The following NTM variants were observed in gnomAD, a reference collection of about 807,000 sequenced individuals.
The protein encoded by NTM is neurotrimin, also known as IgLON family member 2.
Under a neutral mutation model 42.1 loss-of-function variants are expected in NTM, and 13 were observed. The observed-to-expected ratio is 0.31, with a 90% confidence interval of 0.20 to 0.49. NTM has a LOEUF of 0.49. Among genes scored for constraint, NTM ranks in the 20% least tolerant of loss-of-function variants. The pLI is 0.99. For missense variants in NTM, 373 were observed against 452.8 expected (o/e 0.82, Z 1.60); for synonymous variants, 187 against 179.2 (o/e 1.04, Z -0.35).
chr11:131,373,839 G>A (rs1425447292), intron 1 of NTM, among the ~76,000 whole-genome samples: 2 of 152,094 alleles, frequency 1.3e-5, no homozygotes, highest in South Asian at 2.1e-4. Flanking sequence ...TCCCGCATCC[G>A]CTTAGCAGCT....
chr11:131,491,356 A>G (rs1353901750), intron 1 of NTM, among the ~76,000 whole-genome samples: 1 of 152,100 alleles, frequency 6.6e-6, no homozygotes, highest in Non-Finnish European at 1.5e-5. Flanking sequence ...ACAGAAGTGC[A>G]TTGGGGAGAT....
chr11:132,190,755 G>A (rs1444822689), intron 3 of NTM, among the ~76,000 whole-genome samples: 11 of 128,748 alleles, frequency 8.5e-5, no homozygotes, highest in African/African-American at 3.2e-4. Flanking sequence ...AAAAAAAAAA[G>A]AGACAGATAG....
In NTM at chr11:132,335,583, C is replaced by T. The variant is rs1336373844; in HGVS notation, c.*437C>T. Reference sequence around the variant, plus strand: ...ATGAGACCTTCCGGCCCAAGCGTGGCGCTGCGGGCACTTTGGTAGACTGTG... The same window carrying T: ...ATGAGACCTTCCGGCCCAAGCGTGGTGCTGCGGGCACTTTGGTAGACTGTG... On this transcript the variant is annotated 3_prime_UTR_variant, in exon 9 of 9. Transcript: ENST00000683400. The T allele has an allele frequency of 1.9e-5, 3 of 154,556 alleles. No homozygotes were observed. The highest frequency in any genetic ancestry group is 3.8e-4 in the East Asian group (2 of 5,254). 9.6% of individuals were successfully genotyped at this position (154,556 alleles called of 1,614,324 possible).
At chr11:132,079,001 T>G (rs1256183835) in intron 2 of NTM, among the ~76,000 whole-genome samples, 1 of 152,124 alleles carries the variant, frequency 6.6e-6, no homozygotes, top group Non-Finnish European at 1.5e-5. Context: ...CCTTGCATCC[T>G]AGGAGGACCG....
intron 8 of NTM, among the ~76,000 whole-genome samples, chr11:132,330,519 A>G (rs886844014): frequency 6.6e-6 from 1 of 152,150 alleles, no homozygotes; most frequent in Non-Finnish European, 1.5e-5. Flanking sequence ...TAATGCAGCG[A>G]TCTTCTCAGA....
At chr11:132,247,174 C>A (rs962377504) in intron 4 of NTM, among the ~76,000 whole-genome samples, 1 of 152,182 alleles carries the variant, frequency 6.6e-6, no homozygotes, top group African/African-American at 2.4e-5. Context: ...CATCATTGAT[C>A]GCCCTGTGGT....
chr11:131,564,449 AGAGAGAGGGAGG>A (rs1167407131), intron 1 of NTM, among the ~76,000 whole-genome samples: 9 of 125,564 alleles, frequency 7.2e-5, no homozygotes, highest in South Asian at 5.0e-4. Flanking sequence ...GTAGGGGGAG[AGAGAGAGGGAGG>A]GAGAGAGAGA....
intron 6 of NTM, 28 bp from the exon 7 acceptor site, chr11:132,314,524 C>A: frequency 6.3e-7 from 1 of 1,594,034 alleles, no homozygotes; most frequent in South Asian, 1.2e-5. Flanking sequence ...ATCTTGTTTT[C>A]TTCTTTTTTG....
At chr11:131,692,408 G>C (rs370717325) in intron 1 of NTM, among the ~76,000 whole-genome samples, 17 of 151,844 alleles carry the variant, frequency 1.1e-4, no homozygotes, top group South Asian at 4.2e-4. Flanking sequence ...CTCCCATGCA[G>C]ATCTCTGAGT....
At chr11:131,562,310 A>G (rs894021892) in intron 1 of NTM, among the ~76,000 whole-genome samples, 2 of 152,208 alleles carry the variant, frequency 1.3e-5, no homozygotes, top group Non-Finnish European at 2.9e-5. Context: ...TCTAGAAGCT[A>G]CAGAGTTGTG....
intron 7 of NTM, among the ~76,000 whole-genome samples, chr11:132,322,154 A>G (rs1265773604): frequency 6.6e-6 from 1 of 152,110 alleles, no homozygotes; most frequent in Admixed American, 6.6e-5. Context: ...CATCATAATG[A>G]CAGGATCAAA....
intron 1 of NTM, chr11:131,539,027 G>GTATCAAGCAATCCTCCCAC (rs1176591807): frequency 2.0e-5 from 3 of 147,814 alleles, no homozygotes; most frequent in Non-Finnish European, 4.4e-5. Context: ...CTACCTCCCA[G>GTATCAAGCAATCCTCCCAC]TATCAAGCAA....
intron 2 of NTM, among the ~76,000 whole-genome samples, chr11:132,015,178 C>T (rs2073157152): frequency 6.6e-6 from 1 of 151,874 alleles, no homozygotes; most frequent in Non-Finnish European, 1.5e-5. Flanking sequence ...TTTGTGGCAA[C>T]TTTGTCAAAA....
At position 132,299,023 on chromosome 11, in the gene NTM, C is replaced by T. The variant is rs562283197; in HGVS notation, c.527-8666C>T. On this transcript the variant is annotated intron_variant, in intron 4 of 8. Transcript: ENST00000683400. ...TTTAAGAACTATTCATGGCCAGGTG[C>T]GGTGGCTCACGCCTGTAATCCCAGA... Among the ~76,000 whole-genome samples the T allele has an allele frequency of 5.3e-5, 8 of 152,210 alleles. No homozygotes were observed. The South Asian group carries it at 6.2e-4, about 12-fold the overall frequency.
chr11:132,263,537 C>T (rs1473582919), intron 4 of NTM, among the ~76,000 whole-genome samples: 1 of 152,194 alleles, frequency 6.6e-6, no homozygotes, highest in Non-Finnish European at 1.5e-5. Flanking sequence ...TCCAAACATG[C>T]TTTTACATTT....
chr11:131,749,513 G>A (rs2082217230), intron 1 of NTM, among the ~76,000 whole-genome samples: 1 of 152,178 alleles, frequency 6.6e-6, no homozygotes, highest in Non-Finnish European at 1.5e-5. Flanking sequence ...GACTTGTTAG[G>A]TGGTCCCTAC....
At chr11:132,181,504 G>A (rs1365635756) in intron 3 of NTM, among the ~76,000 whole-genome samples, 2 of 152,122 alleles carry the variant, frequency 1.3e-5, no homozygotes, top group Non-Finnish European at 1.5e-5. Flanking sequence ...TACCTAACCA[G>A]GTTTTTGGTT....
chr11:131,915,091 A>G (rs2138073825), intron 2 of NTM, among the ~76,000 whole-genome samples: 1 of 152,336 alleles, frequency 6.6e-6, no homozygotes, highest in East Asian at 1.9e-4. Context: ...TGAACATTTT[A>G]TGTAAACAGT....
At position 131,689,204 on chromosome 11, in the gene NTM, G is replaced by C. The variant is rs141757934; in HGVS notation, c.83-222360G>C. On this transcript the variant is annotated intron_variant, in intron 1 of 8. Transcript: ENST00000683400. ...CCTGGGAGCCAGTGCACTGCCTGTGGCTCAGCATGAGGCAGCGGGGAGGGC... is the reference window on the plus strand; with the variant it reads ...CCTGGGAGCCAGTGCACTGCCTGTGCCTCAGCATGAGGCAGCGGGGAGGGC... 6.5e-3 allele frequency among the ~76,000 whole-genome samples: 991 copies of C among 152,320 alleles called. 5 individuals are homozygous for C. Among genetic ancestry groups the C allele is most frequent in the Non-Finnish European group, 9.8e-3 (668 of 68,034 alleles).
Sources: allele counts gnomAD v4.1 joint callset (sites outside exome capture counted in the v4.1 genomes callset), GRCh38; gene constraint gnomAD v4.1.1; transcripts MANE v1.5; gene names NCBI Gene and HGNC (gene_info 2026-07-23, HGNC 2026-07-21).